VAV2: variants seen among roughly 807,000 people sequenced by gnomAD.
VAV2 encodes vav guanine nucleotide exchange factor 2, also known as guanine nucleotide exchange factor VAV2.
VAV2 carries 67 observed loss-of-function variants against 132.5 expected under a neutral mutation model. The ratio of observed to expected loss-of-function variants is 0.51; its 90% CI spans 0.42 to 0.62. The LOEUF (loss-of-function observed/expected upper bound fraction) is 0.62, where lower values mean the gene tolerates loss of function less well. VAV2 is among the 20% of genes least tolerant of loss of function. The probability of loss-of-function intolerance (pLI) is 0.00; values close to 1 mark genes in which losing one functional copy is unlikely to be tolerated. For missense variants in VAV2, 938 were observed against 1,153.6 expected (o/e 0.81, Z 2.71); for synonymous variants, 492 against 443.5 (o/e 1.11, Z -1.37).
At chr9:133,936,634 C>T (rs1418234016) in intron 2 of VAV2, among the ~76,000 whole-genome samples, 4 of 152,122 alleles carry the variant, frequency 2.6e-5, no homozygotes, top group Admixed American at 6.5e-5. Flanking sequence ...TTTAAGCGAC[C>T]GGTGGGGGGC....
intron 2 of VAV2, among the ~76,000 whole-genome samples, chr9:133,904,677 C>T (rs556632553): frequency 7.9e-5 from 12 of 152,358 alleles, no homozygotes; most frequent in East Asian, 1.9e-4. Flanking sequence ...ACGGGGCCGT[C>T]GGGTGCCAGG....
chr9:133,875,125 G>A (rs1011215155), intron 2 of VAV2, among the ~76,000 whole-genome samples: 2 of 152,202 alleles, frequency 1.3e-5, no homozygotes, highest in Non-Finnish European at 2.9e-5. Context: ...GATCACCTGC[G>A]TTTCTTTCAC....
At chr9:133,796,961 T>A (rs1437384417) in intron 10 of VAV2, among the ~76,000 whole-genome samples, 4 of 152,160 alleles carry the variant, frequency 2.6e-5, no homozygotes, top group Admixed American at 2.6e-4. Context: ...CACTGAGCTG[T>A]GGGGCCACTC....
chr9:133,898,687 T>A (rs1839313820), intron 2 of VAV2, among the ~76,000 whole-genome samples: 1 of 152,226 alleles, frequency 6.6e-6, no homozygotes, highest in Non-Finnish European at 1.5e-5. Flanking sequence ...GGACTTTTTA[T>A]GTGGTGCCCG....
chr9:133,911,166 G>A (rs1276029114), intron 2 of VAV2, among the ~76,000 whole-genome samples: 2 of 152,142 alleles, frequency 1.3e-5, no homozygotes, highest in East Asian at 1.9e-4. Flanking sequence ...ACTGGGGACC[G>A]GAAGCACATT....
At chr9:133,913,440 G>C (rs1839951825) in intron 2 of VAV2, among the ~76,000 whole-genome samples, 1 of 152,168 alleles carries the variant, frequency 6.6e-6, no homozygotes, top group Non-Finnish European at 1.5e-5. Flanking sequence ...CGCGCTTCCT[G>C]GTGCCCCACT....
In VAV2 at chr9:133,862,372, G is replaced by A. The variant is rs980514307; in HGVS notation, c.322-940C>T. On this transcript the variant is annotated intron_variant, in intron 2 of 29. Transcript: ENST00000371850. The stretch of plus-strand genomic sequence containing the variant: ...GTTGTCACACACATGAGATGGGCGG[G>A]AAGCTGTCACAACTCACGGGGTGAA... Among the ~76,000 whole-genome samples, 4 of 152,368 alleles carry A rather than the reference G, an allele frequency of 2.6e-5. No homozygotes were observed. In the East Asian group the frequency reaches 7.7e-4, roughly 29 times the overall value.
rs1283174399 is a variant in VAV2 at position 133,935,623 on chromosome 9, C to T, written c.321+3480G>A. 6.6e-6 allele frequency among the ~76,000 whole-genome samples: 1 copy of T among 152,248 alleles called. No homozygotes were observed. Among genetic ancestry groups the T allele is most frequent in the Non-Finnish European group, 1.5e-5 (1 of 68,048 alleles). On this transcript the variant is annotated intron_variant, in intron 2 of 29. Transcript: ENST00000371850. This position sits in a 1 kb window ranked among gnomAD's most constrained non-coding sequence, Gnocchi z 5.2. Reference sequence around the variant, plus strand: ...TTCCAGAACACCTGTCCCGGAGAAGCCAGGAGGCGCTGGCAGAGCAGAACC... The same window carrying T: ...TTCCAGAACACCTGTCCCGGAGAAGTCAGGAGGCGCTGGCAGAGCAGAACC...
chr9:133,844,254 T>A (rs1166170340), intron 3 of VAV2, among the ~76,000 whole-genome samples: 1 of 152,206 alleles, frequency 6.6e-6, no homozygotes, highest in Non-Finnish European at 1.5e-5. Flanking sequence ...ACGCTTCTCG[T>A]AAGGGAACCT....
At chr9:133,766,540 G>GC (rs1244479215) in intron 29 of VAV2, among the ~76,000 whole-genome samples, 1 of 151,638 alleles carries the variant, frequency 6.6e-6, no homozygotes. Flanking sequence ...ACCAAACACC[G>GC]CATGTTCTCT....
chr9:133,874,457 G>A (rs1838183462), intron 2 of VAV2, among the ~76,000 whole-genome samples: 1 of 152,212 alleles, frequency 6.6e-6, no homozygotes, highest in Non-Finnish European at 1.5e-5. Flanking sequence ...CTGCAGACGA[G>A]CCGCATCAGT....
In VAV2 at chr9:133,787,233, G is replaced by T. The variant is rs1329061462; in HGVS notation, c.1422+13C>A. The T allele has an allele frequency of 1.3e-6, 2 of 1,578,626 alleles. No homozygotes were observed. The highest frequency in any genetic ancestry group is 1.4e-5 in the African/African-American group (1 of 73,980). On this transcript the variant is annotated intron_variant, in intron 16 of 29. Coordinates refer to ENST00000371850, the MANE Select transcript of VAV2 (RefSeq NM_001134398.2). ...TTGAGGCAGGTGGGAGGACCTGGGC[G>T]CTAGGTGCTTACCATTTTCCCGTGA...
intron 2 of VAV2, 23 bp downstream of exon 2, chr9:133,939,080 G>A (rs969516165): frequency 3.1e-6 from 5 of 1,608,844 alleles, no homozygotes; most frequent in Non-Finnish European, 4.3e-6. Flanking sequence ...GAGCGACCGA[G>A]GCTGGAGAGA....
intron 1 of VAV2, among the ~76,000 whole-genome samples, chr9:133,990,203 A>T (rs771018816): frequency 9.2e-5 from 14 of 151,886 alleles, no homozygotes; most frequent in Middle Eastern, 3.4e-3. Flanking sequence ...AGGCCCCTAC[A>T]CGCCCTCCAC....
intron 9 of VAV2, among the ~76,000 whole-genome samples, chr9:133,799,822 G>A (rs1460669096): frequency 6.6e-6 from 1 of 152,236 alleles, no homozygotes; most frequent in African/African-American, 2.4e-5. Context: ...GGTAGAGTAG[G>A]AGAGGAGAGA....
At chr9:133,785,308 C>T (rs1834174909) in intron 17 of VAV2, among the ~76,000 whole-genome samples, 1 of 152,238 alleles carries the variant, frequency 6.6e-6, no homozygotes. Flanking sequence ...CATCATCTTT[C>T]TCTGTTTCAC....
chr9:133,916,324 C>T (rs921043888), intron 2 of VAV2, among the ~76,000 whole-genome samples: 8 of 152,256 alleles, frequency 5.3e-5, no homozygotes, highest in Non-Finnish European at 1.0e-4. Flanking sequence ...CTGTGACTTG[C>T]GCTGAATGCT....
At chr9:133,972,797 T>G (rs530469445) in intron 1 of VAV2, among the ~76,000 whole-genome samples, 6 of 152,172 alleles carry the variant, frequency 3.9e-5, no homozygotes, top group Admixed American at 3.3e-4. Flanking sequence ...TGGCCCCACT[T>G]TACAGATGAG....
At chr9:133,868,285 C>A (rs1397904584) in intron 2 of VAV2, among the ~76,000 whole-genome samples, 1 of 152,218 alleles carries the variant, frequency 6.6e-6, no homozygotes, top group Non-Finnish European at 1.5e-5. Flanking sequence ...GCACCGCATC[C>A]CCATGAGGTG....
Sources: gnomAD v4.1 joint callset for allele counts (sites outside exome capture counted in the v4.1 genomes callset) on GRCh38, gnomAD v4.1.1 for gene constraint, Gnocchi (gnomAD v3.1) non-coding constraint, MANE v1.5 for transcripts, NCBI Gene and HGNC (gene_info 2026-07-23, HGNC 2026-07-21) for gene names.